The following PKP3 variants were observed in gnomAD, a reference collection of about 807,000 sequenced individuals.
PKP3 encodes the protein plakophilin 3.
PKP3 carries 66 observed loss-of-function variants against 76.5 expected under a neutral mutation model. The ratio of observed to expected loss-of-function variants is 0.86; its 90% CI spans 0.71 to 1.06. The LOEUF (loss-of-function observed/expected upper bound fraction) is 1.06. Ranked by LOEUF, PKP3 falls within the 50% of genes least tolerant of loss-of-function variation. The probability of loss-of-function intolerance (pLI) is 0.00; values close to 1 mark genes in which losing one functional copy is unlikely to be tolerated. For missense variants in PKP3, 1,338 were observed against 1,141.0 expected (o/e 1.17, Z -2.49); for synonymous variants, 638 against 516.5 (o/e 1.24, Z -3.19).
At position 403,705 on chromosome 11, in the gene PKP3, C is replaced by T. The variant is rs1300419970; in HGVS notation, c.2011C>T (p.Gln671Ter). The change falls in exon 10 of 13, where the codon CAG becomes TAG. Residue 671 changes from glutamine to a stop codon, truncating the protein, a stop_gained. Transcript: ENST00000331563. LOFTEE classifies it high-confidence loss of function. Reference sequence around the variant, plus strand: ...CCGTGTCAGGACCGCCGACCACCACCAGCTGCGCTCACTGACTGGCCTCAT... The same window carrying T: ...CCGTGTCAGGACCGCCGACCACCACTAGCTGCGCTCACTGACTGGCCTCAT... The part of the protein sequence containing the change: ...LDRVRTADHH[Q>*]LRSLTGLIRN... 7 of 1,610,230 alleles carry T rather than the reference C, an allele frequency of 4.3e-6. No homozygotes were observed. Among genetic ancestry groups the T allele is most frequent in the Admixed American group, 1.7e-5 (1 of 60,006 alleles).
chr11:399,259 TGCCTTCCTCCCC>T, intron 5 of PKP3, 63 bp downstream of exon 5: 2 of 891,318 alleles, frequency 2.2e-6, no homozygotes, highest in Non-Finnish European at 2.9e-6. Context: ...CTATCCCCCC[TGCCTTCCTCCCC>T]ACCTGCCCCC....
Position 397,335 on chromosome 11 carries a change from G to A in PKP3, c.834G>A (p.Ala278=), listed in dbSNP as rs1306765590. 5.7e-6 allele frequency: 9 copies of A among 1,579,640 alleles called. No homozygotes were observed. The highest frequency in any genetic ancestry group is 1.7e-4 in the Middle Eastern group (1 of 5,996). The change falls in exon 3 of 13, where the codon GCG becomes GCA. Residue 278 remains alanine, a synonymous_variant. Coordinates refer to ENST00000331563, the MANE Select transcript of PKP3 (RefSeq NM_007183.4). Reference sequence around the variant, plus strand: ...CCGTCCTGGAGCCAGTGGCTCGAGCGCCATCTGTGCGCAGCCTCAGCCTCA... The same window carrying A: ...CCGTCCTGGAGCCAGTGGCTCGAGCACCATCTGTGCGCAGCCTCAGCCTCA... ...PGAVLEPVAR[A]PSVRSLSLSL... is the part of the protein sequence containing the mutation.
At chr11:394,119 G>A, upstream of PKP3, 10 of 1,036,288 alleles carry the variant, frequency 9.6e-6, no homozygotes, top group Non-Finnish European at 1.2e-5. Flanking sequence ...CTCCCACCTG[G>A]CCAGGTGTCC....
At chr11:393,554 G>A (rs1847003339), upstream of PKP3, 2 of 152,200 alleles carry the variant, frequency 1.3e-5, no homozygotes, top group Admixed American at 1.3e-4. Flanking sequence ...AGGGTCTGCA[G>A]GCTTCGGGGG....
In PKP3 at chr11:403,929, C is replaced by T. The variant is rs1289197846; in HGVS notation, c.2078-14C>T. On this transcript the variant is annotated splice_polypyrimidine_tract_variant and intron_variant, in intron 10 of 12. Coordinates refer to ENST00000331563, the MANE Select transcript of PKP3 (RefSeq NM_007183.4). ...CAGGAGTAGGGGTGCAGACTGACCC[C>T]CGGCCTCCCACAGCCACGAAGGTGG... The T allele has an allele frequency of 5.0e-6, 8 of 1,585,092 alleles. No homozygotes were observed. In the South Asian group the frequency reaches 5.7e-5, roughly 11 times the overall value.
At position 397,046 on chromosome 11, in the gene PKP3, G is replaced by T. The variant is rs772575836; in HGVS notation, c.545G>T (p.Arg182Leu). The T allele has an allele frequency of 2.5e-6, 4 of 1,599,384 alleles. No homozygotes were observed. Among genetic ancestry groups the T allele is most frequent in the East Asian group, 2.2e-5 (1 of 44,872 alleles). The part of the protein sequence containing the change: ...SRADYDTLSL[R>L]SLRLGPGGLD... The stretch of plus-strand genomic sequence containing the variant: ...GCCGACTATGACACACTCTCCCTGC[G>T]CTCGCTGCGGCTGGGGCCCGGGGGC... The change falls in exon 3 of 13, where the codon CGC becomes CTC. Residue 182 changes from arginine (R) to leucine (L), a missense_variant. Arg to Leu is a moderately radical substitution (Grantham distance 102). Transcript: ENST00000331563.
chr11:396,382 C>G, intron 1 of PKP3: 1 of 495,052 alleles, frequency 2.0e-6, no homozygotes, highest in South Asian at 3.4e-5. Context: ...AGAGGAGGCA[C>G]AGCTGGGGGG....
rs201654884 is a variant in PKP3, at chr11:404,054, T to C, written c.2189T>C (p.Val730Ala). 50 of 1,612,376 alleles carry C rather than the reference T, an allele frequency of 3.1e-5. No individual in the cohort carries two copies. Among genetic ancestry groups the C allele is most frequent in the Admixed American group, 1.3e-4 (8 of 59,990 alleles). ...ATAGCTGTGCTCAACAACCTGGTGG[T>C]GGCCAGCCCCATCGCTGCCCGAGAC... is the stretch of plus-strand genomic sequence containing the variant. ...NIIAVLNNLV[V>A]ASPIAARDLL... The change falls in exon 11 of 13, where the codon GTG becomes GCG. Residue 730 changes from valine (V) to alanine (A), a missense_variant. By Grantham distance (64) the Val-to-Ala change is moderately conservative (BLOSUM62 0). Transcript: ENST00000331563. The surrounding 1 kb of genome is among the most constrained non-coding windows in gnomAD (Gnocchi z 4.2).
upstream of PKP3, chr11:392,706 CG>C: frequency 7.8e-7 from 1 of 1,285,850 alleles, no homozygotes; most frequent in Non-Finnish European, 1.0e-6. Flanking sequence ...GACCACGAGC[CG>C]GGTAGGTCTC....
Position 399,040 on chromosome 11 carries a change from G to A in PKP3, c.1117G>A (p.Ala373Thr), listed in dbSNP as rs781708962. The change falls in exon 5 of 13, where the codon GCC (alanine) becomes ACC (threonine). Residue 373 changes from alanine to threonine, a missense_variant. Ala to Thr is a moderately conservative substitution (Grantham distance 58, BLOSUM62 0). Transcript: ENST00000331563. ...TAGGCTGGTGAAGCTCTTCAACCAC[G>A]CCAACCAGGAAGTGCAGCGCCATGC... Reference protein sequence around the residue: ...VPRLVKLFNHANQEVQRHATG... With the variant: ...VPRLVKLFNHTNQEVQRHATG... 25 of 1,605,850 alleles carry A rather than the reference G, an allele frequency of 1.6e-5. No individual in the cohort carries two copies. The highest frequency in any genetic ancestry group is 1.1e-4 in the African/African-American group (8 of 74,710).
upstream of PKP3, chr11:394,137 C>G (rs1440710918): frequency 8.3e-7 from 1 of 1,197,852 alleles, no homozygotes; most frequent in Non-Finnish European, 1.1e-6. Flanking sequence ...TCCCCGCCCC[C>G]AGCTGCGCTC....
chr11:394,813 C>T (rs1025076908), intron 1 of PKP3, among the ~76,000 whole-genome samples: 7 of 152,202 alleles, frequency 4.6e-5, no homozygotes, highest in African/African-American at 1.7e-4. Context: ...TGGCACATGG[C>T]AGGCGGGCCA....
rs768428945 is a variant in PKP3 at position 396,820 on chromosome 11, C to T, written c.319C>T (p.Arg107Trp). ...GCCCCCTCTCGACCCACAGGGCTTC[C>T]GGCCCATCGCCAAGCCGGCCTACAG... ...GLSGDKTSGF[R>W]PIAKPAYSPA... The change falls in exon 3 of 13, where the codon CGG (arginine) becomes TGG (tryptophan). Residue 107 changes from arginine to tryptophan, a missense_variant. Physicochemically the swap from Arg to Trp is moderately radical, Grantham distance 101. Transcript: ENST00000331563. 46 of 1,585,800 alleles carry T rather than the reference C, an allele frequency of 2.9e-5. No homozygotes were observed. Among genetic ancestry groups the T allele is most frequent in the East Asian group, 4.5e-5 (2 of 44,420 alleles).
Position 404,128 on chromosome 11 carries a change from C to T in PKP3, c.2263C>T (p.Arg755Trp), listed in dbSNP as rs373370326. ...LRKLIFIKKK[R>W]DSPDSEKSSR... ...AAAGCTCATCTTCATCAAGAAGAAG[C>T]GGGACAGGTAGGGGCCGACCCAGCC... Residue 755 changes from arginine to tryptophan, a missense_variant, in exon 11 of 13, where the codon CGG (arginine) becomes TGG (tryptophan). Arg to Trp is a moderately radical substitution (Grantham distance 101). Coordinates refer to ENST00000331563, the MANE Select transcript of PKP3 (RefSeq NM_007183.4). The surrounding 1 kb of genome is among the most constrained non-coding windows in gnomAD (Gnocchi z 4.2). The T allele has an allele frequency of 9.7e-5, 156 of 1,609,156 alleles. No individual in the cohort carries two copies. The Middle Eastern group carries it at 1.3e-3, about 14-fold the overall frequency.
At chr11:398,187 C>G (rs1326934146) in intron 4 of PKP3, among the ~76,000 whole-genome samples, 2 of 74,946 alleles carry the variant, frequency 2.7e-5, no homozygotes, top group Admixed American at 2.5e-4. Flanking sequence ...TCCCTACCCC[C>G]ACATATACCT....
At position 404,327 on chromosome 11, in the gene PKP3, C is replaced by A; in HGVS notation, c.2358+4C>A. 6.2e-7 allele frequency: 1 copy of A among 1,611,134 alleles called. No individual in the cohort carries two copies. Among genetic ancestry groups the A allele is most frequent in the Non-Finnish European group, 8.5e-7 (1 of 1,178,560 alleles). The stretch of plus-strand genomic sequence containing the variant: ...GCTCCACCGTGACTTCCGGGCGGTA[C>A]GTTTCCCGAGCCCAGGGCAAGCAGG... On this transcript the variant is annotated splice_donor_region_variant and intron_variant, in intron 12 of 12. Transcript: ENST00000331563. The surrounding 1 kb of genome is among the most constrained non-coding windows in gnomAD (Gnocchi z 4.2).
chr11:398,942 C>G (rs1847100095), intron 4 of PKP3, 50 bp from the exon 5 acceptor site: 2 of 1,343,274 alleles, frequency 1.5e-6, no homozygotes, highest in South Asian at 1.4e-5. Flanking sequence ...GGTGCATAGT[C>G]TGCATCCATC....
Position 403,261 on chromosome 11 carries a change from A to AGGGTGGGGCACC in PKP3, c.1922_1923+10dup. The AGGGTGGGGCACC allele has an allele frequency of 6.4e-7, 1 of 1,571,490 alleles. No homozygotes were observed. Among genetic ancestry groups the AGGGTGGGGCACC allele is most frequent in the Admixed American group, 1.8e-5 (1 of 54,518 alleles). ...GCAGAACATCACGGCAGGCGACCGCAGGGTGGGGCACCCAACCCAGACCCG... is the reference window on the plus strand; with the variant it reads ...GCAGAACATCACGGCAGGCGACCGCAGGGTGGGGCACCGGGTGGGGCACCCAACCCAGACCCG... On this transcript the variant is annotated inframe_insertion and splice_region_variant, in exon 9 of 13. Transcript: ENST00000331563.
At chr11:400,763 C>T in intron 8 of PKP3, 58 bp downstream of exon 8, 1 of 1,016,964 alleles carries the variant, frequency 9.8e-7, no homozygotes, top group Non-Finnish European at 1.2e-6. Flanking sequence ...CCCCGCTGAC[C>T]CCGGCCCCGC....
Sources: gnomAD v4.1 joint callset for allele counts (sites outside exome capture counted in the v4.1 genomes callset) on GRCh38, gnomAD v4.1.1 for gene constraint, Gnocchi (gnomAD v3.1) non-coding constraint, MANE v1.5 for transcripts, NCBI Gene and HGNC (gene_info 2026-07-23, HGNC 2026-07-21) for gene names.